PCDH9: variants seen among roughly 807,000 people sequenced by gnomAD.
The protein encoded by PCDH9 is protocadherin-9.
In PCDH9, 24 loss-of-function variants were observed where a neutral mutation model predicts 70.6. The ratio of observed to expected loss-of-function variants is 0.34; its 90% confidence interval spans 0.25 to 0.48. PCDH9 has a LOEUF of 0.48. PCDH9 is among the 20% of genes least tolerant of loss of function. The probability of loss-of-function intolerance (pLI) is 0.99; values close to 1 mark genes in which losing one functional copy is unlikely to be tolerated. For missense variants in PCDH9, 1,281 were observed against 1,503.6 expected (o/e 0.85, Z 2.45); for synonymous variants, 562 against 558.5 (o/e 1.01, Z -0.09).
chr13:66,732,831 C>A (rs1048609152), intron 3 of PCDH9, among the ~76,000 whole-genome samples: 3 of 151,878 alleles, frequency 2.0e-5, no homozygotes, highest in African/African-American at 7.2e-5. Flanking sequence ...TATTCCCCAA[C>A]CTGGGATCTA....
At chr13:66,450,549 G>C (rs990266359) in intron 4 of PCDH9, among the ~76,000 whole-genome samples, 3 of 152,182 alleles carry the variant, frequency 2.0e-5, no homozygotes, top group African/African-American at 7.2e-5. Flanking sequence ...GAGCAGTGGG[G>C]AGGAAAGATT....
At chr13:67,015,861 C>T (rs760732573) in intron 2 of PCDH9, among the ~76,000 whole-genome samples, 2 of 152,128 alleles carry the variant, frequency 1.3e-5, no homozygotes, top group Non-Finnish European at 2.9e-5. Context: ...CTCTCAGCTA[C>T]TTCTGTTTTA....
intron 3 of PCDH9, among the ~76,000 whole-genome samples, chr13:66,687,343 A>G (rs2078418618): frequency 1.3e-5 from 2 of 152,070 alleles, no homozygotes; most frequent in South Asian, 4.1e-4. Context: ...CTACTGGCTC[A>G]TTACTTTTTC....
intron 4 of PCDH9, among the ~76,000 whole-genome samples, chr13:66,384,009 A>G (rs1956888036): frequency 6.6e-6 from 1 of 152,168 alleles, no homozygotes; most frequent in African/African-American, 2.4e-5. Context: ...AGTAGAAATA[A>G]CTAGTCAAAG....
chr13:66,317,591 T>C (rs1955676541), intron 4 of PCDH9, among the ~76,000 whole-genome samples: 1 of 152,200 alleles, frequency 6.6e-6, no homozygotes, highest in Admixed American at 6.5e-5. Flanking sequence ...ATTCACAGGA[T>C]ACATAACAAA....
At chr13:66,600,205 C>T (rs367604886) in intron 4 of PCDH9, among the ~76,000 whole-genome samples, 2 of 151,980 alleles carry the variant, frequency 1.3e-5, no homozygotes, top group South Asian at 2.1e-4. Flanking sequence ...ATTAAAAATA[C>T]TGTGTAGGCT....
intron 2 of PCDH9, among the ~76,000 whole-genome samples, chr13:67,015,259 T>TA (rs1357937484): frequency 6.6e-6 from 1 of 152,130 alleles, no homozygotes; most frequent in Non-Finnish European, 1.5e-5. Context: ...CTCACTGGCT[T>TA]CTGTGACTCT....
chr13:66,668,898 T>C (rs2078133726), intron 3 of PCDH9, among the ~76,000 whole-genome samples: 1 of 152,300 alleles, frequency 6.6e-6, no homozygotes, highest in African/African-American at 2.4e-5. Flanking sequence ...AGTATTATGG[T>C]CTCAGGTTTG....
At chr13:67,091,892 C>A (rs1189662082) in intron 2 of PCDH9, among the ~76,000 whole-genome samples, 1 of 151,874 alleles carries the variant, frequency 6.6e-6, no homozygotes, top group Non-Finnish European at 1.5e-5. Flanking sequence ...AATAAAATGT[C>A]TTTGTTTTAA....
chr13:66,595,346 C>T (rs2324909), intron 4 of PCDH9, among the ~76,000 whole-genome samples: 112,962 of 151,598 alleles, frequency 0.75, 43,531 homozygotes, highest in East Asian at 0.91. Context: ...CATGATCACC[C>T]CAATTGCCAG....
intron 4 of PCDH9, among the ~76,000 whole-genome samples, chr13:66,448,346 T>C (rs895581400): frequency 6.6e-6 from 1 of 152,314 alleles, no homozygotes; most frequent in Non-Finnish European, 1.5e-5. Flanking sequence ...CGTGGATGTG[T>C]GCAGTAAACT....
intron 3 of PCDH9, among the ~76,000 whole-genome samples, chr13:66,785,864 G>C (rs1431671327): frequency 6.6e-6 from 1 of 151,476 alleles, no homozygotes; most frequent in African/African-American, 2.4e-5. Context: ...AAAATTTACT[G>C]TTTGAGACTG....
At chr13:66,879,606 T>C (rs1169761685) in intron 3 of PCDH9, among the ~76,000 whole-genome samples, 1 of 152,182 alleles carries the variant, frequency 6.6e-6, no homozygotes, top group Non-Finnish European at 1.5e-5. Context: ...ATTAATTATG[T>C]ATAAATAGCA....
intron 3 of PCDH9, among the ~76,000 whole-genome samples, chr13:66,718,421 T>G (rs972029592): frequency 4.6e-5 from 7 of 152,064 alleles, no homozygotes; most frequent in Non-Finnish European, 8.8e-5. Flanking sequence ...TGAGGGGGGA[T>G]TTCAATGTAG....
At chr13:66,957,770 AACCCAACC>A (rs375920077) in intron 2 of PCDH9, among the ~76,000 whole-genome samples, 225 of 152,116 alleles carry the variant, frequency 1.5e-3, no homozygotes, top group African/African-American at 5.1e-3. Context: ...TCCTCAGCAG[AACCCAACC>A]ACACTGGCAC....
intron 4 of PCDH9, among the ~76,000 whole-genome samples, chr13:66,352,149 C>A (rs563905088): frequency 8.9e-4 from 136 of 152,246 alleles, no homozygotes; most frequent in African/African-American, 3.0e-3. Flanking sequence ...ACATTCATTT[C>A]TTATGCTGCA....
chr13:66,683,073 G>A (rs1303681991), intron 3 of PCDH9, among the ~76,000 whole-genome samples: 1 of 152,120 alleles, frequency 6.6e-6, no homozygotes, highest in African/African-American at 2.4e-5. Flanking sequence ...TCTATTTGCA[G>A]CGGCAGTTGT....
At chr13:66,754,962 A>G (rs564458726) in intron 3 of PCDH9, among the ~76,000 whole-genome samples, 30 of 150,160 alleles carry the variant, frequency 2.0e-4, no homozygotes, top group African/African-American at 6.5e-4. Flanking sequence ...GGAAAAAATT[A>G]TATGAATTAT....
intron 4 of PCDH9, among the ~76,000 whole-genome samples, chr13:66,511,439 T>A (rs1405196373): frequency 6.6e-6 from 1 of 151,996 alleles, no homozygotes; most frequent in East Asian, 1.9e-4. Flanking sequence ...GATTGTTCAA[T>A]GAGATTATTA....
Sources: allele counts gnomAD v4.1 joint callset (sites outside exome capture counted in the v4.1 genomes callset), GRCh38; gene constraint gnomAD v4.1.1; transcripts MANE v1.5; gene names NCBI Gene and HGNC (gene_info 2026-07-23, HGNC 2026-07-21).